The following USP34 variants were observed in gnomAD, a reference collection of about 807,000 sequenced individuals.
USP34 encodes ubiquitin carboxyl-terminal hydrolase 34.
In USP34, 70 loss-of-function variants were observed where a neutral mutation model predicts 460.3. The observed-to-expected ratio is 0.15, with a 90% CI of 0.13 to 0.19. The LOEUF (loss-of-function observed/expected upper bound fraction) is 0.19, where lower values mean the gene tolerates loss of function less well. USP34 is among the 10% of genes least tolerant of loss of function. The probability of loss-of-function intolerance (pLI) is 1.00; values close to 1 mark genes in which losing one functional copy is unlikely to be tolerated. For synonymous variants in USP34, 1,647 were observed against 1,405.3 expected (o/e 1.17, Z -3.85); for missense variants, 3,985 against 4,236.2 (o/e 0.94, Z 1.65).
chr2:61,394,792 C>A, intron 5 of USP34, 61 bp downstream of exon 5: 2 of 1,289,914 alleles, frequency 1.6e-6, no homozygotes, highest in Non-Finnish European at 2.0e-6. Context: ...GCATAAAATT[C>A]ATGTTACTGA....
intron 62 of USP34, among the ~76,000 whole-genome samples, chr2:61,224,159 G>C (rs1375600311): frequency 1.3e-5 from 2 of 152,250 alleles, no homozygotes; most frequent in East Asian, 1.9e-4. Context: ...GTTTGAATCA[G>C]GATTCAAATA....
intron 15 of USP34, 105 bp from the exon 16 acceptor site, chr2:61,344,134 A>T (rs1251186615): frequency 2.0e-6 from 2 of 995,942 alleles, no homozygotes; most frequent in African/African-American, 3.3e-5. Flanking sequence ...TTAGAAACAA[A>T]CCGACATCTG....
In USP34 at chr2:61,283,276, A is replaced by G. The variant is rs764347757; in HGVS notation, c.4874-7T>C. 241 of 1,610,068 alleles carry G rather than the reference A, an allele frequency of 1.5e-4. No homozygotes were observed. Among genetic ancestry groups the G allele is most frequent in the Non-Finnish European group, 2.0e-4 (235 of 1,178,508 alleles). On this transcript the variant is annotated splice_polypyrimidine_tract_variant and splice_region_variant and intron_variant, in intron 36 of 79. Transcript: ENST00000398571. ...CACATTGAATAATGTGAAACTAAAG[A>G]AAAATTAGAAAACAGTTCACTATAA...
chr2:61,414,474 T>C (rs893312602), intron 2 of USP34, among the ~76,000 whole-genome samples: 1 of 152,156 alleles, frequency 6.6e-6, no homozygotes, highest in African/African-American at 2.4e-5. Context: ...AATACACATT[T>C]ATCTCCCCTT....
In USP34 at chr2:61,347,874, CGTG is replaced by C. The variant is rs758908871; in HGVS notation, c.2278_2280del (p.His760del). 7 of 1,611,378 alleles carry C rather than the reference CGTG, an allele frequency of 4.3e-6. No individual in the cohort carries two copies. The East Asian group carries it at 1.6e-4, about 36-fold the overall frequency. ...TTTATTTTGAAGTAGGCTTACCCAT[CGTG>C]GTGGTGGTGATGGTGGTGGTGGTGG... On this transcript the variant is annotated inframe_deletion, in exon 15 of 80. Transcript: ENST00000398571.
In USP34 at chr2:61,311,668, G is replaced by C; in HGVS notation, c.3689C>G (p.Pro1230Arg). 1 of 1,612,316 alleles carries C rather than the reference G, an allele frequency of 6.2e-7. No homozygotes were observed. Among genetic ancestry groups the C allele is most frequent in the Non-Finnish European group, 8.5e-7 (1 of 1,179,542 alleles). ...LPDKMTIEMY[P>R]SDQVADLRAE... The stretch of plus-strand genomic sequence containing the variant: ...CCTAAGATCTGCTACCTGGTCACTA[G>C]GATACATTTCAATAGTCATCTGAAA... The change falls in exon 27 of 80, where the codon CCT becomes CGT. Residue 1230 changes from proline to arginine, a missense_variant. Pro to Arg is a moderately radical substitution (Grantham distance 103). Around this residue, in one of 14 missense-constraint regions of USP34, gnomAD observed 1,114 missense variants for 1,122.5 expected, o/e 0.99. Transcript: ENST00000398571.
At chr2:61,251,833 T>C (rs1688590853) in intron 48 of USP34, among the ~76,000 whole-genome samples, 1 of 152,132 alleles carries the variant, frequency 6.6e-6, no homozygotes, top group Admixed American at 6.6e-5. Context: ...TGTTCCCCAT[T>C]TGGACATTTT....
intron 1 of USP34, among the ~76,000 whole-genome samples, chr2:61,423,401 T>A (rs543117418): frequency 6.6e-6 from 1 of 152,180 alleles, no homozygotes; most frequent in African/African-American, 2.4e-5. Flanking sequence ...TCAGATGCAT[T>A]TCTAATACAC....
At chr2:61,304,188 G>A (rs1157664767) in intron 27 of USP34, among the ~76,000 whole-genome samples, 1 of 152,070 alleles carries the variant, frequency 6.6e-6, no homozygotes, top group Non-Finnish European at 1.5e-5. Flanking sequence ...GAGCTACCAC[G>A]CCTGGCAATA....
At chr2:61,330,894 T>G (rs1691239801) in intron 20 of USP34, among the ~76,000 whole-genome samples, 4 of 152,170 alleles carry the variant, frequency 2.6e-5, no homozygotes, top group African/African-American at 9.6e-5. Context: ...ATGTTTTAAA[T>G]TAACTGTTAA....
intron 1 of USP34, among the ~76,000 whole-genome samples, chr2:61,450,516 G>C (rs771506744): frequency 6.6e-5 from 10 of 151,972 alleles, no homozygotes; most frequent in Non-Finnish European, 1.2e-4. Flanking sequence ...AAATTATAAA[G>C]TATGGGAGGC....
chr2:61,216,242 T>C (rs1432304828), intron 67 of USP34, among the ~76,000 whole-genome samples: 5 of 152,236 alleles, frequency 3.3e-5, no homozygotes, highest in African/African-American at 1.2e-4. Flanking sequence ...ACCTGGCATG[T>C]AGGTATCATC....
At chr2:61,300,230 CGAT>C (rs1419692845) in intron 29 of USP34, among the ~76,000 whole-genome samples, 1 of 152,124 alleles carries the variant, frequency 6.6e-6, no homozygotes, top group Admixed American at 6.5e-5. Context: ...AAATGACTCA[CGAT>C]GACGCAAAAG....
rs1018790393 is a variant in USP34, at chr2:61,195,283, C to T, written c.9509-2303G>A. On this transcript the variant is annotated intron_variant, in intron 75 of 79. Transcript: ENST00000398571. ...CTGGTCTCAAACTCCTGGCATAATT[C>T]ATCCTCTTGCATTGGCCTTTGAAAG... Among the ~76,000 whole-genome samples, 5 of 151,620 alleles carry T rather than the reference C, an allele frequency of 3.3e-5. No homozygotes were observed. The South Asian group carries it at 6.2e-4, about 19-fold the overall frequency.
chr2:61,357,093 T>A (rs144682383), intron 10 of USP34, among the ~76,000 whole-genome samples: 1 of 152,090 alleles, frequency 6.6e-6, no homozygotes, highest in African/African-American at 2.4e-5. Flanking sequence ...ATAAGCCAAA[T>A]AGACCTAGCA....
rs1690690294 is a variant in USP34 at position 61,314,717 on chromosome 2, T to A, written c.3410A>T (p.Glu1137Val). ...NGKTGLEKEQ[E>V]FISKCMESLM... ...ACTCTCCATGCACTTACTAATAAATTCTTGCTCCTTCTCCAAACCTGTTTT... is the reference window on the plus strand; with the variant it reads ...ACTCTCCATGCACTTACTAATAAATACTTGCTCCTTCTCCAAACCTGTTTT... The change falls in exon 25 of 80, where the codon GAA becomes GTA. Residue 1137 changes from glutamate (E) to valine (V), a missense_variant. Coordinates refer to ENST00000398571, the MANE Select transcript of USP34 (RefSeq NM_014709.4). 2 of 1,584,604 alleles carry A rather than the reference T, an allele frequency of 1.3e-6. No individual in the cohort carries two copies. Among genetic ancestry groups the A allele is most frequent in the African/African-American group, 2.7e-5 (2 of 73,428 alleles).
intron 10 of USP34, among the ~76,000 whole-genome samples, chr2:61,356,054 T>C (rs1157931184): frequency 6.6e-6 from 1 of 152,034 alleles, no homozygotes; most frequent in Non-Finnish European, 1.5e-5. Flanking sequence ...CTCCTAGGTA[T>C]ATGTCTAAAA....
chr2:61,202,896 G>A (rs1687016832), intron 75 of USP34, among the ~76,000 whole-genome samples: 1 of 152,104 alleles, frequency 6.6e-6, no homozygotes. Context: ...ATGTACAGAA[G>A]TGATCAGCCC....
intron 74 of USP34, 45 bp from the exon 75 acceptor site, chr2:61,203,308 T>C: frequency 7.0e-7 from 1 of 1,425,736 alleles, no homozygotes; most frequent in African/African-American, 1.5e-5. Context: ...AATTGTATAA[T>C]AAAGAGCATA....
Sources: allele counts gnomAD v4.1 joint callset (sites outside exome capture counted in the v4.1 genomes callset), GRCh38; gene constraint gnomAD v4.1.1; regional missense constraint gnomAD v4.1.1; transcripts MANE v1.5; gene names NCBI Gene and HGNC (gene_info 2026-07-23, HGNC 2026-07-21).